The following FILIP1 variants were observed in gnomAD, a reference collection of about 807,000 sequenced individuals.
FILIP1 encodes filamin A interacting protein 1.
In FILIP1, 61 loss-of-function variants were observed where a neutral mutation model predicts 102.1. That is an observed-to-expected ratio of 0.60 (90% CI 0.49 to 0.74). The LOEUF (loss-of-function observed/expected upper bound fraction) is 0.74. Ranked by LOEUF, FILIP1 falls within the 30% of genes least tolerant of loss-of-function variation. The probability of loss-of-function intolerance (pLI) is 0.00; values close to 1 mark genes in which losing one functional copy is unlikely to be tolerated. For synonymous variants in FILIP1, 491 were observed against 526.9 expected (o/e 0.93, Z 0.93); for missense variants, 1,314 against 1,441.2 (o/e 0.91, Z 1.43).
At chr6:75,448,701 CAAAAG>C (rs1582523118) in intron 1 of FILIP1, among the ~76,000 whole-genome samples, 1 of 152,064 alleles carries the variant, frequency 6.6e-6, no homozygotes, top group East Asian at 1.9e-4. Context: ...GGACAATTCT[CAAAAG>C]AAGATACACA....
At chr6:75,328,441 T>A (rs1162160304) in intron 4 of FILIP1, among the ~76,000 whole-genome samples, 1 of 152,178 alleles carries the variant, frequency 6.6e-6, no homozygotes, top group Non-Finnish European at 1.5e-5. Flanking sequence ...TTCATTATAC[T>A]GTTCTCTTTA....
At chr6:75,372,081 G>A (rs1005854080) in intron 2 of FILIP1, among the ~76,000 whole-genome samples, 4 of 152,096 alleles carry the variant, frequency 2.6e-5, no homozygotes, top group Admixed American at 2.6e-4. Context: ...AATATCCAGA[G>A]GCCGGGTGCA....
At chr6:75,459,937 G>T (rs1038745921) in intron 1 of FILIP1, among the ~76,000 whole-genome samples, 1 of 152,110 alleles carries the variant, frequency 6.6e-6, no homozygotes, top group African/African-American at 2.4e-5. Context: ...ATTCAAATCA[G>T]ACATTATTTT....
rs1442202353 is a variant in FILIP1, at chr6:75,438,317, T to C, written c.-6-23339A>G. Reference sequence around the variant, plus strand: ...GATCTCATACTTTGGAGCCAGTTTATTCACAGCAACTGATGAGTACAGTCA... The same window carrying C: ...GATCTCATACTTTGGAGCCAGTTTACTCACAGCAACTGATGAGTACAGTCA... On this transcript the variant is annotated intron_variant, in intron 1 of 5. Coordinates refer to ENST00000237172, the MANE Select transcript of FILIP1 (RefSeq NM_015687.5). Among the ~76,000 whole-genome samples, 7 of 152,252 alleles carry C rather than the reference T, an allele frequency of 4.6e-5. No individual in the cohort carries two copies. In the South Asian group the frequency reaches 8.3e-4, roughly 18 times the overall value.
chr6:75,370,721 C>A (rs1253182470), intron 2 of FILIP1, among the ~76,000 whole-genome samples: 1 of 151,728 alleles, frequency 6.6e-6, no homozygotes, highest in African/African-American at 2.4e-5. Context: ...GGATTACAGG[C>A]GCCTGCCACA....
Position 75,314,309 on chromosome 6 carries a change from A to G in FILIP1, c.1523T>C (p.Leu508Pro). Reference sequence around the variant, plus strand: ...CATCATATTTTTCCTTTCATCAACCAGCATCACGGTAAATGACTTCAACTT... The same window carrying G: ...CATCATATTTTTCCTTTCATCAACCGGCATCACGGTAAATGACTTCAACTT... ...LTKLKSFTVM[L>P]VDERKNMMEK... Residue 508 changes from leucine to proline, a missense_variant, in exon 5 of 6, where the codon CTG (leucine) becomes CCG (proline). Physicochemically the swap from Leu to Pro is moderately conservative, Grantham distance 98 (BLOSUM62 -3). Coordinates refer to ENST00000237172, the MANE Select transcript of FILIP1 (RefSeq NM_015687.5). 1 of 1,525,742 alleles carries G rather than the reference A, an allele frequency of 6.6e-7. No homozygotes were observed. Among genetic ancestry groups the G allele is most frequent in the Non-Finnish European group, 8.7e-7 (1 of 1,147,708 alleles). 94.5% of individuals were successfully genotyped at this position (1,525,742 alleles called of 1,614,324 possible). A position where few individuals can be genotyped will look rare whatever the true frequency, so the allele number is the denominator to read the frequency against.
intron 4 of FILIP1, among the ~76,000 whole-genome samples, chr6:75,343,481 AC>A (rs1774480735): frequency 6.6e-6 from 1 of 151,756 alleles, no homozygotes; most frequent in Non-Finnish European, 1.5e-5. Flanking sequence ...ATTTTGGACT[AC>A]CCCCTCCTAC....
At chr6:75,490,077 A>G (rs1779913050) in intron 1 of FILIP1, among the ~76,000 whole-genome samples, 1 of 152,140 alleles carries the variant, frequency 6.6e-6, no homozygotes, top group Non-Finnish European at 1.5e-5. Flanking sequence ...TTATGAAAAA[A>G]TGCTCACCTG....
intron 1 of FILIP1, among the ~76,000 whole-genome samples, chr6:75,427,373 T>C (rs1032671500): frequency 1.3e-5 from 2 of 152,174 alleles, no homozygotes; most frequent in African/African-American, 4.8e-5. Flanking sequence ...TTTTATAAAC[T>C]ATAAAGTACT....
At chr6:75,323,187 A>C (rs1048519383) in intron 4 of FILIP1, among the ~76,000 whole-genome samples, 2 of 152,150 alleles carry the variant, frequency 1.3e-5, no homozygotes, top group African/African-American at 4.8e-5. Context: ...TTGGATTAAA[A>C]ACCCAGGTAA....
intron 1 of FILIP1, among the ~76,000 whole-genome samples, chr6:75,443,954 T>C (rs1778357805): frequency 6.6e-6 from 1 of 152,176 alleles, no homozygotes; most frequent in Non-Finnish European, 1.5e-5. Flanking sequence ...CTGACTACCA[T>C]TTGAGCTTTG....
chr6:75,373,553 T>C (rs1775646418), intron 2 of FILIP1, among the ~76,000 whole-genome samples: 1 of 151,944 alleles, frequency 6.6e-6, no homozygotes, highest in Admixed American at 6.6e-5. Context: ...AATCCTCCCA[T>C]TTCAGCCTCC....
At chr6:75,441,969 G>T (rs971099086) in intron 1 of FILIP1, among the ~76,000 whole-genome samples, 1 of 151,294 alleles carries the variant, frequency 6.6e-6, no homozygotes, top group Non-Finnish European at 1.5e-5. Flanking sequence ...GGGTGGCTGC[G>T]GGGCGGAGAC....
chr6:75,368,569 C>T (rs1010466505), intron 2 of FILIP1, among the ~76,000 whole-genome samples: 1 of 152,122 alleles, frequency 6.6e-6, no homozygotes, highest in African/African-American at 2.4e-5. Flanking sequence ...GGGCTAAGGA[C>T]GTCACCTAGA....
chr6:75,363,766 G>A (rs1204650489), intron 2 of FILIP1, among the ~76,000 whole-genome samples: 1 of 152,150 alleles, frequency 6.6e-6, no homozygotes, highest in African/African-American at 2.4e-5. Context: ...ATTTCCATAT[G>A]GGGACACACT....
At chr6:75,421,548 G>A (rs1489281859) in intron 1 of FILIP1, among the ~76,000 whole-genome samples, 1 of 152,018 alleles carries the variant, frequency 6.6e-6, no homozygotes, top group East Asian at 1.9e-4. Flanking sequence ...CCTTGTCACT[G>A]AGCCTGAAAC....
chr6:75,317,569 G>A (rs990030634), intron 4 of FILIP1, among the ~76,000 whole-genome samples: 12 of 152,158 alleles, frequency 7.9e-5, no homozygotes, highest in African/African-American at 2.7e-4. Flanking sequence ...GGGCACTAAT[G>A]TTTCAGCCAG....
At position 75,312,729 on chromosome 6, in the gene FILIP1, T is replaced by A. The variant is rs1321146659; in HGVS notation, c.3103A>T (p.Thr1035Ser). ...TTTTCTGGGGTGACTTTGAGGATTGTCCGTCCCATGGGCATTTCCTGGGAT... is the reference window on the plus strand; with the variant it reads ...TTTTCTGGGGTGACTTTGAGGATTGACCGTCCCATGGGCATTTCCTGGGAT... The part of the protein sequence containing the change: ...PESQEMPMGR[T>S]ILKVTPEKQT... The change falls in exon 5 of 6, where the codon ACA becomes TCA. Residue 1035 changes from threonine to serine, a missense_variant. Thr to Ser is a moderately conservative substitution (Grantham distance 58, BLOSUM62 1). Transcript: ENST00000237172. The A allele has an allele frequency of 2.5e-6, 4 of 1,614,096 alleles. No homozygotes were observed. The highest frequency in any genetic ancestry group is 2.5e-6 in the Non-Finnish European group (3 of 1,180,058).
At chr6:75,391,530 A>G (rs1276549980) in intron 2 of FILIP1, among the ~76,000 whole-genome samples, 1 of 152,126 alleles carries the variant, frequency 6.6e-6, no homozygotes, top group Non-Finnish European at 1.5e-5. Context: ...TATCACTTTC[A>G]TACACCTACT....
Sources: allele counts gnomAD v4.1 joint callset (sites outside exome capture counted in the v4.1 genomes callset), GRCh38; gene constraint gnomAD v4.1.1; transcripts MANE v1.5; gene names NCBI Gene and HGNC (gene_info 2026-07-23, HGNC 2026-07-21).